Variants in LRMDA observed in about 807,000 individuals in gnomAD.
LRMDA encodes leucine rich melanocyte differentiation associated, also known as leucine-rich melanocyte differentiation-associated protein.
LRMDA carries 18 observed loss-of-function variants against 29.8 expected under a neutral mutation model. The observed-to-expected ratio is 0.60, with a 90% CI of 0.42 to 0.90. The LOEUF (loss-of-function observed/expected upper bound fraction) is 0.90, where lower values mean the gene tolerates loss of function less well. LRMDA is among the 40% of genes least tolerant of loss of function. The pLI is 0.00. For synonymous variants in LRMDA, 125 were observed against 109.4 expected (o/e 1.14, Z -0.89); for missense variants, 273 against 273.9 (o/e 1.00, Z 0.02).
intron 2 of LRMDA, among the ~76,000 whole-genome samples, chr10:75,744,219 A>G (rs898738708): frequency 6.6e-6 from 1 of 152,236 alleles, no homozygotes; most frequent in Non-Finnish European, 1.5e-5. Flanking sequence ...GCAGGTGGAC[A>G]TAATTTAACA....
intron 6 of LRMDA, among the ~76,000 whole-genome samples, chr10:76,516,130 C>G (rs887082517): frequency 2.6e-5 from 4 of 152,148 alleles, no homozygotes; most frequent in African/African-American, 9.7e-5. Flanking sequence ...AAGATTTCCA[C>G]AGGTTGATAA....
At chr10:75,915,522 G>A (rs1047107154) in intron 2 of LRMDA, among the ~76,000 whole-genome samples, 1 of 152,204 alleles carries the variant, frequency 6.6e-6, no homozygotes, top group Admixed American at 6.5e-5. Flanking sequence ...TGATAGGTAT[G>A]AGCCAGCAAG....
intron 6 of LRMDA, among the ~76,000 whole-genome samples, chr10:76,325,112 A>C (rs1840818263): frequency 6.6e-6 from 1 of 152,214 alleles, no homozygotes; most frequent in Non-Finnish European, 1.5e-5. Flanking sequence ...GCTGTTTTAA[A>C]TATTGTTTCC....
At chr10:75,749,717 G>C (rs2132217295) in intron 2 of LRMDA, among the ~76,000 whole-genome samples, 1 of 151,878 alleles carries the variant, frequency 6.6e-6, no homozygotes, top group East Asian at 1.9e-4. Flanking sequence ...GTGGAGGGAA[G>C]GTCAGCAGAT....
intron 5 of LRMDA, among the ~76,000 whole-genome samples, chr10:76,178,249 T>C (rs1850977365): frequency 6.6e-6 from 1 of 152,170 alleles, no homozygotes; most frequent in Non-Finnish European, 1.5e-5. Flanking sequence ...TGAGCAATGC[T>C]TCTTGCGGGG....
At chr10:75,688,446 C>A (rs1211851504) in intron 2 of LRMDA, among the ~76,000 whole-genome samples, 1 of 152,074 alleles carries the variant, frequency 6.6e-6, no homozygotes, top group African/African-American at 2.4e-5. Context: ...GGAAGTGGAG[C>A]CTGAAGCTGG....
At chr10:76,121,873 C>T (rs1849795948) in intron 5 of LRMDA, among the ~76,000 whole-genome samples, 1 of 152,192 alleles carries the variant, frequency 6.6e-6, no homozygotes, top group South Asian at 2.1e-4. Flanking sequence ...GGGGATCATG[C>T]ATTACTTTAT....
intron 2 of LRMDA, among the ~76,000 whole-genome samples, chr10:75,655,971 GACC>G: frequency 6.6e-6 from 1 of 152,200 alleles, no homozygotes; most frequent in African/African-American, 2.4e-5. Flanking sequence ...CCCCTCATGT[GACC>G]CATCTGTTTG....
At chr10:76,419,168 A>G (rs188697122) in intron 6 of LRMDA, among the ~76,000 whole-genome samples, 23 of 152,246 alleles carry the variant, frequency 1.5e-4, no homozygotes, top group Admixed American at 4.6e-4. Context: ...ATATGAAATT[A>G]CATGTTTCCA....
chr10:75,740,392 G>T (rs747099339), intron 2 of LRMDA, among the ~76,000 whole-genome samples: 21 of 152,180 alleles, frequency 1.4e-4, no homozygotes, highest in Non-Finnish European at 2.5e-4. Flanking sequence ...GGGCTGGGTG[G>T]TTGTGGCTGT....
At chr10:75,999,115 C>T (rs1847519506) in intron 2 of LRMDA, among the ~76,000 whole-genome samples, 1 of 152,334 alleles carries the variant, frequency 6.6e-6, no homozygotes, top group East Asian at 1.9e-4. Context: ...CGGGAAATAG[C>T]ATGTCACACA....
chr10:75,999,193 C>T (rs1054356319), intron 2 of LRMDA, among the ~76,000 whole-genome samples: 1 of 152,196 alleles, frequency 6.6e-6, no homozygotes, highest in Admixed American at 6.5e-5. Flanking sequence ...GCCTAATTCT[C>T]TCTAGACTTC....
chr10:76,091,480 G>A (rs1207091629), intron 5 of LRMDA, among the ~76,000 whole-genome samples: 1 of 152,174 alleles, frequency 6.6e-6, no homozygotes, highest in East Asian at 1.9e-4. Context: ...TGAAGGATCA[G>A]AAAGTAAATG....
At chr10:76,130,606 G>A (rs1354503421) in intron 5 of LRMDA, among the ~76,000 whole-genome samples, 7 of 152,128 alleles carry the variant, frequency 4.6e-5, no homozygotes, top group Non-Finnish European at 8.8e-5. Flanking sequence ...CAGTTTGCAC[G>A]ACTATTGTGA....
intron 2 of LRMDA, among the ~76,000 whole-genome samples, chr10:75,947,060 C>T (rs1303095608): frequency 6.6e-6 from 1 of 152,188 alleles, no homozygotes; most frequent in Admixed American, 6.5e-5. Flanking sequence ...TTCTTCACCT[C>T]ACTGGAACCA....
At chr10:75,745,369 T>C (rs1589183743) in intron 2 of LRMDA, among the ~76,000 whole-genome samples, 1 of 152,344 alleles carries the variant, frequency 6.6e-6, no homozygotes, top group East Asian at 1.9e-4. Flanking sequence ...ATTCGCATCT[T>C]TTAATTTTTT....
intron 5 of LRMDA, among the ~76,000 whole-genome samples, chr10:76,239,308 C>T (rs923381699): frequency 6.6e-6 from 1 of 152,070 alleles, no homozygotes; most frequent in Non-Finnish European, 1.5e-5. Context: ...GCTTCTCTAA[C>T]CAATAAGGAA....
intron 5 of LRMDA, among the ~76,000 whole-genome samples, chr10:76,116,272 A>C (rs1329686726): frequency 6.6e-6 from 1 of 152,200 alleles, no homozygotes; most frequent in Non-Finnish European, 1.5e-5. Context: ...TACTTAGAAA[A>C]GATAATATGG....
intron 2 of LRMDA, among the ~76,000 whole-genome samples, chr10:75,966,910 A>G (rs559439401): frequency 6.6e-6 from 1 of 152,240 alleles, no homozygotes; most frequent in African/African-American, 2.4e-5. Context: ...GGCACCCAGT[A>G]GATATACACC....
Sources: gnomAD v4.1 joint callset for allele counts (sites outside exome capture counted in the v4.1 genomes callset) on GRCh38, gnomAD v4.1.1 for gene constraint, MANE v1.5 for transcripts, NCBI Gene and HGNC (gene_info 2026-07-23, HGNC 2026-07-21) for gene names.